MBD5: variants seen among roughly 807,000 people sequenced by gnomAD.
MBD5 encodes methyl-CpG-binding domain protein 5.
A neutral mutation model predicts 117.3 loss-of-function variants in MBD5; 13 were observed. The ratio of observed to expected loss-of-function variants is 0.11; its 90% CI spans 0.07 to 0.18. The LOEUF (loss-of-function observed/expected upper bound fraction) is 0.18. Among genes scored for constraint, MBD5 ranks in the 10% least tolerant of loss-of-function variants. The pLI, the probability that MBD5 is intolerant of heterozygous loss-of-function variation, is 1.00. For synonymous variants in MBD5, 727 were observed against 766.4 expected, an observed-to-expected ratio of 0.95 and a Z score of 0.85; for missense variants, 1,879 against 2,093.8, an observed-to-expected ratio of 0.90 and a Z score of 2.00.
chr2:148,280,936 A>G (rs1559003595), intron 3 of MBD5, among the ~76,000 whole-genome samples: 3 of 152,242 alleles, frequency 2.0e-5, no homozygotes, highest in African/African-American at 4.8e-5. Context: ...TTTGAGAGAA[A>G]AGAAATCTAC....
chr2:148,059,547 A>T (rs1422009559), intron 1 of MBD5, among the ~76,000 whole-genome samples: 1 of 152,186 alleles, frequency 6.6e-6, no homozygotes, highest in Non-Finnish European at 1.5e-5. Context: ...TTACTTTTCA[A>T]TTAAGAAATG....
chr2:148,101,385 C>T (rs994711104), intron 1 of MBD5, among the ~76,000 whole-genome samples: 11 of 152,104 alleles, frequency 7.2e-5, no homozygotes, highest in South Asian at 2.1e-4. Flanking sequence ...TTGCTTGAGC[C>T]CAGGAGTTTG....
At chr2:148,491,859 A>G (rs1432297128) in intron 11 of MBD5, among the ~76,000 whole-genome samples, 1 of 152,066 alleles carries the variant, frequency 6.6e-6, no homozygotes, top group African/African-American at 2.4e-5. Context: ...GGCTTTTATG[A>G]TATAAATGGA....
rs909085136 is a variant in MBD5, at chr2:148,270,561, G to T, written c.-680+37166G>T. On this transcript the variant is annotated intron_variant, in intron 3 of 13. Transcript: ENST00000642680. The stretch of plus-strand genomic sequence containing the variant: ...GCACCACCACGCCTGGCTAATTTTT[G>T]TATTTTTAGTAGAGATGGGGTTTCA... Among the ~76,000 whole-genome samples, 9 of 151,876 alleles carry T rather than the reference G, an allele frequency of 5.9e-5. No individual in the cohort carries two copies. In the Middle Eastern group the frequency reaches 0.01, roughly 172 times the overall value.
chr2:148,322,764 G>C (rs998558596), intron 3 of MBD5, among the ~76,000 whole-genome samples: 4 of 152,068 alleles, frequency 2.6e-5, no homozygotes, highest in Non-Finnish European at 4.4e-5. Context: ...ACTAAGTTTA[G>C]TGAGTCAAAA....
intron 1 of MBD5, among the ~76,000 whole-genome samples, chr2:148,060,896 A>C (rs1325443079): frequency 6.6e-6 from 1 of 152,056 alleles, no homozygotes; most frequent in South Asian, 2.1e-4. Flanking sequence ...AAGAGGCTCT[A>C]TATGTTTCCA....
intron 1 of MBD5, among the ~76,000 whole-genome samples, chr2:148,164,567 A>T: frequency 6.6e-6 from 1 of 152,220 alleles, no homozygotes; most frequent in Middle Eastern, 3.2e-3. Flanking sequence ...ATAATTAAGT[A>T]TAAGAAAAAA....
intron 3 of MBD5, among the ~76,000 whole-genome samples, chr2:148,336,093 G>A (rs28405957): frequency 0.013 from 1,919 of 152,262 alleles, 40 homozygotes; most frequent in African/African-American, 0.043. Context: ...ATCAGAAATT[G>A]CAATCAGAAA....
chr2:148,440,418 T>A (rs1006923928), intron 4 of MBD5, among the ~76,000 whole-genome samples: 17 of 152,304 alleles, frequency 1.1e-4, no homozygotes, highest in African/African-American at 3.6e-4. Context: ...AATGTGGAAT[T>A]GTGCTGAAAA....
chr2:148,286,853 A>G (rs949826583), intron 3 of MBD5, among the ~76,000 whole-genome samples: 2 of 152,218 alleles, frequency 1.3e-5, no homozygotes, highest in Admixed American at 1.3e-4. Context: ...GTACTTACTT[A>G]TGAAAAATAT....
chr2:148,041,191 A>G (rs1188388119), intron 1 of MBD5: 2 of 152,014 alleles, frequency 1.3e-5, no homozygotes, highest in African/African-American at 4.8e-5. Context: ...ACATTTTCTT[A>G]CCTTGCTCTT....
chr2:148,397,216 A>G (rs966903503), intron 4 of MBD5, among the ~76,000 whole-genome samples: 5 of 152,152 alleles, frequency 3.3e-5, no homozygotes, highest in South Asian at 4.1e-4. Flanking sequence ...AAAATTGTCA[A>G]CCACCAGCAA....
intron 1 of MBD5, chr2:148,041,267 T>C (rs1694353055): frequency 1.3e-5 from 2 of 152,198 alleles, no homozygotes; most frequent in Non-Finnish European, 2.9e-5. Context: ...ATCTGGACTC[T>C]ATGACTTGTT....
At chr2:148,435,008 CAT>C (rs1706113200) in intron 4 of MBD5, among the ~76,000 whole-genome samples, 1 of 152,130 alleles carries the variant, frequency 6.6e-6, no homozygotes, top group South Asian at 2.1e-4. Flanking sequence ...GTAAGCATAA[CAT>C]GTGGTCTTCA....
In MBD5 at chr2:148,345,028, C is replaced by T. The variant is rs115911484; in HGVS notation, c.-557+2692C>T. The stretch of plus-strand genomic sequence containing the variant: ...TATATGTCCTAGTGTATAGTATTAC[C>T]GTATACCAAGGTTGTAGAAATCAAA... On this transcript the variant is annotated intron_variant, in intron 4 of 13. Coordinates refer to ENST00000642680, the MANE Select transcript of MBD5 (RefSeq NM_001378120.1). 5.6e-3 allele frequency among the ~76,000 whole-genome samples: 846 copies of T among 151,626 alleles called. 15 individuals carry two copies. Among genetic ancestry groups the T allele is most frequent in the African/African-American group, 0.02 (811 of 41,370 alleles).
intron 2 of MBD5, among the ~76,000 whole-genome samples, chr2:148,220,737 T>G (rs1298975574): frequency 6.6e-6 from 1 of 152,184 alleles, no homozygotes; most frequent in East Asian, 1.9e-4. Context: ...AGCATTTATC[T>G]TTTCTGTTAC....
At chr2:148,328,634 C>A (rs890777715) in intron 3 of MBD5, among the ~76,000 whole-genome samples, 1 of 152,250 alleles carries the variant, frequency 6.6e-6, no homozygotes, top group Non-Finnish European at 1.5e-5. Flanking sequence ...CTTTCTTTGA[C>A]TAGGAAAGGG....
intron 3 of MBD5, among the ~76,000 whole-genome samples, chr2:148,339,206 T>C (rs936532152): frequency 6.6e-6 from 1 of 152,196 alleles, no homozygotes; most frequent in African/African-American, 2.4e-5. Context: ...TTTTCTGCCA[T>C]GTCTTCCTCT....
chr2:148,477,227 A>T (rs1335150318), intron 8 of MBD5, among the ~76,000 whole-genome samples: 1 of 152,056 alleles, frequency 6.6e-6, no homozygotes, highest in African/African-American at 2.4e-5. Flanking sequence ...TCATATTCCA[A>T]GATTCAAGCT....
Sources: gnomAD v4.1 joint callset for allele counts (sites outside exome capture counted in the v4.1 genomes callset) on GRCh38, gnomAD v4.1.1 for gene constraint, MANE v1.5 for transcripts, NCBI Gene and HGNC (gene_info 2026-07-23, HGNC 2026-07-21) for gene names.